RAB27A: variants seen among roughly 807,000 people sequenced by gnomAD.
The protein encoded by RAB27A is ras-related protein Rab-27A.
RAB27A carries 17 observed loss-of-function variants against 20.8 expected under a neutral mutation model. That is an observed-to-expected ratio of 0.82 (90% CI 0.56 to 1.23). The LOEUF (loss-of-function observed/expected upper bound fraction) is 1.23, where lower values mean the gene tolerates loss of function less well. RAB27A is among the 50% of genes most tolerant of loss of function. The pLI, the probability that RAB27A is intolerant of heterozygous loss-of-function variation, is 0.00. For missense variants in RAB27A, 277 were observed against 266.7 expected, an observed-to-expected ratio of 1.04 and a Z score of -0.27; for synonymous variants, 85 against 92.8, an observed-to-expected ratio of 0.92 and a Z score of 0.48.
At chr15:55,304,064 G>C (rs192368115) in intron 2 of RAB27A, among the ~76,000 whole-genome samples, 3 of 152,052 alleles carry the variant, frequency 2.0e-5, no homozygotes, top group Non-Finnish European at 4.4e-5. Context: ...GATGGTTGCC[G>C]TGTCTGTGTA....
At chr15:55,246,884 C>A (rs577128380) in intron 2 of RAB27A, among the ~76,000 whole-genome samples, 10 of 151,976 alleles carry the variant, frequency 6.6e-5, no homozygotes, top group Non-Finnish European at 1.3e-4. Context: ...TTTTTGTGAG[C>A]ACATAGAAGA....
chr15:55,223,915 TTCC>T lies in RAB27A; in HGVS notation c.438_440del (p.Glu147del), dbSNP rs758624653. The T allele has an allele frequency of 1.8e-5, 29 of 1,613,864 alleles. No individual in the cohort carries two copies. The highest frequency in any genetic ancestry group is 3.3e-5 in the Admixed American group (2 of 60,020). The stretch of plus-strand genomic sequence containing the variant: ...CATATTTCTCTGCGAGTGCTATGGC[TTCC>T]TCCTCTTTCACTACTCTCTGGTCCT... On this transcript the variant is annotated inframe_deletion, in exon 6 of 7. Coordinates refer to ENST00000336787, the MANE Select transcript of RAB27A (RefSeq NM_183235.3).
At chr15:55,304,482 G>GAAA (rs71437808) in intron 2 of RAB27A, among the ~76,000 whole-genome samples, 1 of 148,852 alleles carries the variant, frequency 6.7e-6, no homozygotes, top group Admixed American at 6.7e-5. Flanking sequence ...TTAAAAAAAA[G>GAAA]AAAAAAAAAA....
intron 6 of RAB27A, among the ~76,000 whole-genome samples, chr15:55,219,301 G>C (rs1479675722): frequency 6.6e-6 from 1 of 152,124 alleles, no homozygotes; most frequent in African/African-American, 2.4e-5. Context: ...TCTTTAGCAT[G>C]GATTTTCCAA....
At chr15:55,233,473 A>G (rs1304427189) in intron 3 of RAB27A, among the ~76,000 whole-genome samples, 1 of 152,232 alleles carries the variant, frequency 6.6e-6, no homozygotes, top group Non-Finnish European at 1.5e-5. Context: ...TGGTGTATCA[A>G]TACAATAGAA....
chr15:55,214,329 G>A (rs561473120), intron 6 of RAB27A, among the ~76,000 whole-genome samples: 9 of 152,286 alleles, frequency 5.9e-5, no homozygotes, highest in Non-Finnish European at 1.0e-4. Context: ...CCAGCTACTC[G>A]GGAGGCTGAG....
At chr15:55,221,153 G>T (rs1378025200) in intron 6 of RAB27A, among the ~76,000 whole-genome samples, 1 of 152,142 alleles carries the variant, frequency 6.6e-6, no homozygotes, top group East Asian at 1.9e-4. Flanking sequence ...AAGACCGAGG[G>T]CACAGGAAAC....
intron 6 of RAB27A, among the ~76,000 whole-genome samples, chr15:55,218,437 G>T (rs1243044254): frequency 6.6e-6 from 1 of 152,186 alleles, no homozygotes; most frequent in East Asian, 1.9e-4. Context: ...ATGTAATCAA[G>T]TTTTAAAAGA....
At chr15:55,252,037 T>G (rs1896908112) in intron 2 of RAB27A, among the ~76,000 whole-genome samples, 1 of 151,756 alleles carries the variant, frequency 6.6e-6, no homozygotes, top group Non-Finnish European at 1.5e-5. Flanking sequence ...TTCAGACAGG[T>G]GTTCAAAGTC....
chr15:55,290,663 C>T (rs976634222), upstream of RAB27A, among the ~76,000 whole-genome samples: 8 of 152,224 alleles, frequency 5.3e-5, no homozygotes, highest in African/African-American at 1.9e-4. Context: ...GGTGTCGCTC[C>T]GGCCTGCGGG....
chr15:55,282,693 G>A (rs1898046953), intron 1 of RAB27A, among the ~76,000 whole-genome samples: 1 of 152,058 alleles, frequency 6.6e-6, no homozygotes, highest in Non-Finnish European at 1.5e-5. Context: ...GATCTCTGGG[G>A]TCCCCTGCTC....
chr15:55,210,178 C>A (rs1894936172), intron 6 of RAB27A, among the ~76,000 whole-genome samples: 1 of 136,276 alleles, frequency 7.3e-6, no homozygotes, highest in African/African-American at 3.1e-5. Flanking sequence ...TATATACGTA[C>A]ACACATATGT....
At chr15:55,224,069 G>A (rs1428674732) in intron 5 of RAB27A, 57 bp from the exon 6 acceptor site, 1 of 1,366,458 alleles carries the variant, frequency 7.3e-7, no homozygotes, top group Non-Finnish European at 1.0e-6. Flanking sequence ...TGTATGATCA[G>A]TGAACAATAC....
chr15:55,244,327 A>C lies in RAB27A; in HGVS notation c.-22-9371T>G. The stretch of plus-strand genomic sequence containing the variant: ...GAGACTCCATCTCAAAAAAACAAAC[A>C]AACAAACAAAACAAAACAAAAAAAC... On this transcript the variant is annotated intron_variant, in intron 2 of 6. Transcript: ENST00000336787. Among the ~76,000 whole-genome samples, 2 of 151,998 alleles carry C rather than the reference A, an allele frequency of 1.3e-5. 1 individual carries two copies. Among genetic ancestry groups the C allele is most frequent in the East Asian group, 3.9e-4 (2 of 5,182 alleles).
At chr15:55,209,816 G>A (rs111727873) in intron 6 of RAB27A, among the ~76,000 whole-genome samples, 1,338 of 83,096 alleles carry the variant, frequency 0.016, 142 homozygotes, top group African/African-American at 0.068. Flanking sequence ...ATACACACAT[G>A]TGTGTATATA....
intron 2 of RAB27A, among the ~76,000 whole-genome samples, chr15:55,241,564 A>T (rs1896478917): frequency 6.7e-6 from 1 of 148,190 alleles, no homozygotes; most frequent in African/African-American, 2.6e-5. Flanking sequence ...TGACGTCAGG[A>T]GTTCAAGACT....
At chr15:55,306,322 C>T (rs1161792290) in intron 2 of RAB27A, among the ~76,000 whole-genome samples, 1 of 152,072 alleles carries the variant, frequency 6.6e-6, no homozygotes, top group Non-Finnish European at 1.5e-5. Flanking sequence ...GGAGGCACAT[C>T]CAACAGTTAG....
At chr15:55,315,655 G>C (rs1229966754) in intron 1 of RAB27A, among the ~76,000 whole-genome samples, 1 of 152,184 alleles carries the variant, frequency 6.6e-6, no homozygotes, top group East Asian at 1.9e-4. Flanking sequence ...ATGAAAAAAA[G>C]CTCATCATCA....
rs1040601304 is a variant in RAB27A, at chr15:55,270,105, T to C, written c.-23+60A>G. The C allele has an allele frequency of 2.4e-4, 36 of 151,758 alleles. 1 individual carries two copies. The highest frequency in any genetic ancestry group is 8.5e-4 in the African/African-American group (35 of 41,370). 9.4% of individuals were successfully genotyped at this position (151,758 alleles called of 1,614,324 possible). On this transcript the variant is annotated intron_variant, in intron 2 of 6. Transcript: ENST00000336787. ...TGCACATAATTTAAGCGCATGAAAATTGACATGACAGAGCTCAAAACCACT... is the reference window on the plus strand; with the variant it reads ...TGCACATAATTTAAGCGCATGAAAACTGACATGACAGAGCTCAAAACCACT...
Sources: allele counts gnomAD v4.1 joint callset (sites outside exome capture counted in the v4.1 genomes callset), GRCh38; gene constraint gnomAD v4.1.1; transcripts MANE v1.5; gene names NCBI Gene and HGNC (gene_info 2026-07-23, HGNC 2026-07-21).